Variants in MACROD2 observed in about 807,000 individuals in gnomAD.
MACROD2 encodes ADP-ribose glycohydrolase MACROD2.
Under a neutral mutation model 70.4 loss-of-function variants are expected in MACROD2, and 36 were observed. That is an observed-to-expected ratio of 0.51 (90% confidence interval 0.39 to 0.68). The LOEUF is 0.68. Ranked by LOEUF, MACROD2 falls within the 30% of genes least tolerant of loss-of-function variation. The pLI is 0.00. For missense variants in MACROD2, 496 were observed against 538.4 expected (o/e 0.92, Z 0.78); for synonymous variants, 172 against 178.8 (o/e 0.96, Z 0.30).
At chr20:14,538,516 C>CA (rs1432450770) in intron 4 of MACROD2, among the ~76,000 whole-genome samples, 2 of 152,190 alleles carry the variant, frequency 1.3e-5, no homozygotes, top group Non-Finnish European at 2.9e-5. Context: ...GCACTTAGAG[C>CA]AAAATCCACA....
At chr20:14,921,276 G>C (rs1018126224) in intron 5 of MACROD2, among the ~76,000 whole-genome samples, 1 of 152,088 alleles carries the variant, frequency 6.6e-6, no homozygotes, top group Non-Finnish European at 1.5e-5. Flanking sequence ...ACTCTATTTA[G>C]ATTTGGCATC....
intron 5 of MACROD2, among the ~76,000 whole-genome samples, chr20:14,928,883 C>T (rs932622309): frequency 3.9e-5 from 6 of 152,122 alleles, no homozygotes; most frequent in African/African-American, 7.2e-5. Flanking sequence ...TTGAAGAGCA[C>T]GCTTCCTGTT....
chr20:14,594,622 G>A (rs1284340492), intron 4 of MACROD2, among the ~76,000 whole-genome samples: 2 of 152,180 alleles, frequency 1.3e-5, no homozygotes, highest in African/African-American at 2.4e-5. Flanking sequence ...GACTGGGCGC[G>A]GTGGCTCACG....
intron 3 of MACROD2, among the ~76,000 whole-genome samples, chr20:14,217,254 A>G (rs1385865011): frequency 6.6e-6 from 1 of 152,132 alleles, no homozygotes; most frequent in Non-Finnish European, 1.5e-5. Context: ...TTCTGCATCT[A>G]TTGAAATGAT....
At chr20:15,847,060 A>C (rs984575800) in intron 8 of MACROD2, among the ~76,000 whole-genome samples, 1 of 152,102 alleles carries the variant, frequency 6.6e-6, no homozygotes, top group Non-Finnish European at 1.5e-5. Flanking sequence ...ATTAAATTAC[A>C]TAGAAAAAAT....
At chr20:15,295,624 CACACAT>C (rs1442682253) in intron 6 of MACROD2, among the ~76,000 whole-genome samples, 6 of 151,532 alleles carry the variant, frequency 4.0e-5, no homozygotes, top group African/African-American at 1.5e-4. Context: ...CACACACACA[CACACAT>C]GCACACACCC....
At chr20:14,283,282 C>G (rs1004679733) in intron 3 of MACROD2, among the ~76,000 whole-genome samples, 5 of 152,180 alleles carry the variant, frequency 3.3e-5, no homozygotes, top group Admixed American at 3.3e-4. Flanking sequence ...GCAATGAGAA[C>G]TAAGAGTGCC....
intron 6 of MACROD2, among the ~76,000 whole-genome samples, chr20:15,419,612 GCAAT>G (rs1458363315): frequency 6.6e-6 from 1 of 152,174 alleles, no homozygotes; most frequent in Non-Finnish European, 1.5e-5. Context: ...GTTAGGCCTG[GCAAT>G]GGCCATGAGC....
intron 3 of MACROD2, among the ~76,000 whole-genome samples, chr20:14,388,294 G>C (rs2083489853): frequency 6.6e-6 from 1 of 152,098 alleles, no homozygotes; most frequent in African/African-American, 2.4e-5. Flanking sequence ...TTACAGGTGT[G>C]AGCCACTGTG....
chr20:15,430,285 CT>C (rs147294087), intron 6 of MACROD2, among the ~76,000 whole-genome samples: 29,074 of 151,820 alleles, frequency 0.19, 3,043 homozygotes, highest in African/African-American at 0.25. Flanking sequence ...ATAATAATTT[CT>C]TTTCCTTTGA....
chr20:16,049,185 G>A (rs1020608460), intron 17 of MACROD2, among the ~76,000 whole-genome samples: 1 of 152,006 alleles, frequency 6.6e-6, no homozygotes, highest in African/African-American at 2.4e-5. Context: ...ACTTTCCAGG[G>A]TGATGTCATG....
chr20:15,895,476 C>T (rs1238216467), intron 10 of MACROD2, among the ~76,000 whole-genome samples: 1 of 152,208 alleles, frequency 6.6e-6, no homozygotes, highest in East Asian at 1.9e-4. Context: ...AAGGGAGCGC[C>T]ATCCGGCAGG....
At chr20:14,291,556 T>A (rs1459805760) in intron 3 of MACROD2, among the ~76,000 whole-genome samples, 2 of 151,918 alleles carry the variant, frequency 1.3e-5, no homozygotes. Context: ...GCAAATTTGA[T>A]AAGTATTATG....
At chr20:15,087,099 C>G (rs927551269) in intron 5 of MACROD2, among the ~76,000 whole-genome samples, 3 of 151,542 alleles carry the variant, frequency 2.0e-5, no homozygotes, top group African/African-American at 4.8e-5. Flanking sequence ...TCTTTATTAT[C>G]TCTCTTATTT....
intron 8 of MACROD2, among the ~76,000 whole-genome samples, chr20:15,639,921 GAA>G (rs779637693): frequency 6.6e-6 from 1 of 151,300 alleles, no homozygotes; most frequent in Non-Finnish European, 1.5e-5. Flanking sequence ...GAGAAGGAGA[GAA>G]AGAGAGAGAG....
rs541244397 is a variant in MACROD2 at position 15,520,098 on chromosome 20, C to T, written c.645+20251C>T. 2.8e-3 allele frequency among the ~76,000 whole-genome samples: 430 copies of T among 152,258 alleles called. 6 individuals are homozygous for T. The highest frequency in any genetic ancestry group is 8.0e-3 in the African/African-American group (334 of 41,550). On this transcript the variant is annotated intron_variant, in intron 8 of 17. Transcript: ENST00000684519. The stretch of plus-strand genomic sequence containing the variant: ...AAAACTTATCATAGAAAAATGAAAA[C>T]TTATAATAGAAAAATGATTAATGAT...
chr20:14,520,764 T>C (rs928382083), intron 4 of MACROD2, among the ~76,000 whole-genome samples: 3 of 152,206 alleles, frequency 2.0e-5, no homozygotes, highest in African/African-American at 7.2e-5. Flanking sequence ...TTTCTTTATC[T>C]TCCACCTGTA....
intron 2 of MACROD2, among the ~76,000 whole-genome samples, chr20:14,049,280 G>T (rs2053528659): frequency 6.6e-6 from 1 of 151,596 alleles, no homozygotes; most frequent in Non-Finnish European, 1.5e-5. Context: ...ATGATAGAAA[G>T]TAGATGGACT....
At chr20:16,032,688 A>AG (rs1399815942) in intron 15 of MACROD2, among the ~76,000 whole-genome samples, 2 of 149,342 alleles carry the variant, frequency 1.3e-5, no homozygotes, top group Non-Finnish European at 3.0e-5. Context: ...AGAGGGAAGG[A>AG]GGGAAAAAAT....
Sources: gnomAD v4.1 joint callset for allele counts (sites outside exome capture counted in the v4.1 genomes callset) on GRCh38, gnomAD v4.1.1 for gene constraint, MANE v1.5 for transcripts, NCBI Gene and HGNC (gene_info 2026-07-23, HGNC 2026-07-21) for gene names.